RBFOX1: variants seen among roughly 807,000 people sequenced by gnomAD.
RBFOX1 encodes the protein RNA binding protein fox-1 homolog 1.
Under a neutral mutation model 57.7 loss-of-function variants are expected in RBFOX1, and 8 were observed. That is an observed-to-expected ratio of 0.14 (90% CI 0.08 to 0.25). The LOEUF is 0.25. Among genes scored for constraint, RBFOX1 ranks in the 10% least tolerant of loss-of-function variants. RBFOX1 has a pLI of 1.00. For synonymous variants in RBFOX1, 326 were observed against 222.4 expected (o/e 1.47, Z -4.15); for missense variants, 611 against 548.5 (o/e 1.11, Z -1.14).
chr16:7,142,221 A>G (rs1334511776), intron 4 of RBFOX1, among the ~76,000 whole-genome samples: 1 of 151,988 alleles, frequency 6.6e-6, no homozygotes, highest in Non-Finnish European at 1.5e-5. Flanking sequence ...ATGGGGTTTC[A>G]TCATGTTGTC....
chr16:5,884,447 G>GC (rs1160727141), intron 4 of RBFOX1, among the ~76,000 whole-genome samples: 6 of 72,000 alleles, frequency 8.3e-5, no homozygotes, highest in African/African-American at 2.1e-4. Flanking sequence ...CCACCGCCCC[G>GC]CCCCCCGCTC....
In RBFOX1 at chr16:6,409,291, G is replaced by A. The variant is rs1289765503; in HGVS notation, c.-64+92234G>A. Among the ~76,000 whole-genome samples the A allele has an allele frequency of 2.6e-5, 4 of 152,230 alleles. No homozygotes were observed. The East Asian group carries it at 7.7e-4, about 29-fold the overall frequency. ...TAGCTGGGCATGGTGGTGCGCACCG[G>A]TAATCCCAGTTACTCAGGGGGCTGA... On this transcript the variant is annotated intron_variant, in intron 2 of 15. Transcript: ENST00000550418.
rs537412749 is a variant in RBFOX1, at chr16:6,983,892, G to C, written c.-15-68165G>C. ...AGAGTGCTCTTGGACAAGGTGTTGT[G>C]TGACTCTTAGCATGTAGTAATGTGT... On this transcript the variant is annotated intron_variant, in intron 3 of 15. Coordinates refer to ENST00000550418, the MANE Select transcript of RBFOX1 (RefSeq NM_018723.4). 3.3e-5 allele frequency among the ~76,000 whole-genome samples: 5 copies of C among 152,160 alleles called. No homozygotes were observed. The South Asian group carries it at 1.0e-3, about 32-fold the overall frequency.
At chr16:6,967,707 C>T (rs1244998682) in intron 3 of RBFOX1, among the ~76,000 whole-genome samples, 1 of 152,032 alleles carries the variant, frequency 6.6e-6, no homozygotes, top group African/African-American at 2.4e-5. Flanking sequence ...ACGGTAGGTC[C>T]TTGGTCAAAT....
chr16:7,097,602 A>T (rs556292343), intron 4 of RBFOX1, among the ~76,000 whole-genome samples: 6 of 152,312 alleles, frequency 3.9e-5, no homozygotes, highest in East Asian at 1.9e-4. Flanking sequence ...ATCCAATTAG[A>T]TGCTGTTGCC....
At chr16:5,883,944 A>G (rs977098193) in intron 4 of RBFOX1, among the ~76,000 whole-genome samples, 2 of 152,202 alleles carry the variant, frequency 1.3e-5, no homozygotes, top group South Asian at 2.1e-4. Context: ...ATGAGGATAG[A>G]TGGGTAAAAG....
chr16:7,212,583 C>T (rs1279620516), intron 4 of RBFOX1, among the ~76,000 whole-genome samples: 1 of 152,022 alleles, frequency 6.6e-6, no homozygotes, highest in Middle Eastern at 3.2e-3. Flanking sequence ...AGTCTCACAT[C>T]CCTTGAAGGC....
At chr16:5,856,451 C>G (rs542260953) in intron 3 of RBFOX1, among the ~76,000 whole-genome samples, 1 of 137,134 alleles carries the variant, frequency 7.3e-6, no homozygotes, top group South Asian at 2.3e-4. Context: ...CATCACAAGA[C>G]TATGCATTAA....
intron 3 of RBFOX1, among the ~76,000 whole-genome samples, chr16:6,853,930 T>C (rs566441924): frequency 2.0e-5 from 3 of 152,296 alleles, no homozygotes; most frequent in South Asian, 2.1e-4. Flanking sequence ...TCCTGGGTAG[T>C]AGCCTGCATG....
chr16:7,167,585 C>T (rs1045026877), intron 4 of RBFOX1, among the ~76,000 whole-genome samples: 1 of 152,234 alleles, frequency 6.6e-6, no homozygotes, highest in East Asian at 1.9e-4. Context: ...TTTCTGGCCT[C>T]CAGAACTGAC....
chr16:7,395,009 G>A (rs556302105), intron 4 of RBFOX1, among the ~76,000 whole-genome samples: 18 of 152,292 alleles, frequency 1.2e-4, no homozygotes, highest in African/African-American at 4.3e-4. Flanking sequence ...GTAATGGGCT[G>A]TGGTTGTGTG....
At chr16:5,569,395 G>C (rs1451972893) in intron 2 of RBFOX1, among the ~76,000 whole-genome samples, 1 of 135,350 alleles carries the variant, frequency 7.4e-6, no homozygotes, top group Non-Finnish European at 1.5e-5. Context: ...AATGTATGAT[G>C]CTCTTTTCAG....
At chr16:5,385,028 G>A (rs1028024531) in intron 1 of RBFOX1, among the ~76,000 whole-genome samples, 3 of 152,244 alleles carry the variant, frequency 2.0e-5, no homozygotes, top group East Asian at 1.9e-4. Context: ...TTCATAGGTC[G>A]TAATGGGTGT....
chr16:5,314,766 G>C (rs1426223054), intron 1 of RBFOX1, among the ~76,000 whole-genome samples: 1 of 151,004 alleles, frequency 6.6e-6, no homozygotes, highest in East Asian at 1.9e-4. Flanking sequence ...CTCTCAAAGT[G>C]CTGAGATTTG....
chr16:7,036,942 G>C (rs2044652867), intron 3 of RBFOX1, among the ~76,000 whole-genome samples: 1 of 152,122 alleles, frequency 6.6e-6, no homozygotes, highest in East Asian at 1.9e-4. Flanking sequence ...ACAAGGAGTA[G>C]ATTATTCATG....
chr16:5,425,081 C>T (rs1159528349), intron 1 of RBFOX1, among the ~76,000 whole-genome samples: 1 of 135,364 alleles, frequency 7.4e-6, no homozygotes, highest in African/African-American at 2.8e-5. Context: ...ATCTATCTAT[C>T]TATCTATCTA....
intron 2 of RBFOX1, among the ~76,000 whole-genome samples, chr16:5,514,713 A>C (rs2043727333): frequency 6.6e-6 from 1 of 152,052 alleles, no homozygotes; most frequent in South Asian, 2.1e-4. Context: ...AGATGAAGAA[A>C]GAGGAGGAGG....
rs568432835 is a variant in RBFOX1, at chr16:6,498,911, T to A, written c.-63-155692T>A. Among the ~76,000 whole-genome samples the A allele has an allele frequency of 4.6e-5, 7 of 152,310 alleles. No homozygotes were observed. The East Asian group carries it at 1.3e-3, about 29-fold the overall frequency. ...AATACTGACACCACCTTCTATAGGC[T>A]TATACGGCAAGTAGCAGTATGCCTT... is the stretch of plus-strand genomic sequence containing the variant. On this transcript the variant is annotated intron_variant, in intron 2 of 15. Transcript: ENST00000550418.
chr16:6,519,482 C>T (rs1025871598), intron 2 of RBFOX1, among the ~76,000 whole-genome samples: 1 of 152,090 alleles, frequency 6.6e-6, no homozygotes, highest in Admixed American at 6.6e-5. Context: ...AGGAAGATCA[C>T]CTGAGGTCAA....
Sources: allele counts gnomAD v4.1 joint callset (sites outside exome capture counted in the v4.1 genomes callset), GRCh38; gene constraint gnomAD v4.1.1; transcripts MANE v1.5; gene names NCBI Gene and HGNC (gene_info 2026-07-23, HGNC 2026-07-21).